Variants in CDC42EP3 observed in about 807,000 individuals in gnomAD.
The protein encoded by CDC42EP3 is CDC42 effector protein 3.
A neutral mutation model predicts 15.5 loss-of-function variants in CDC42EP3; 4 were observed. That is an observed-to-expected ratio of 0.26 (90% CI 0.13 to 0.59). The LOEUF is 0.59. Among genes scored for constraint, CDC42EP3 ranks in the 20% least tolerant of loss-of-function variants. The pLI is 0.89. For missense variants in CDC42EP3, 309 were observed against 311.2 expected, an observed-to-expected ratio of 0.99 and a Z score of 0.05; for synonymous variants, 145 against 130.3, an observed-to-expected ratio of 1.11 and a Z score of -0.77.
upstream of CDC42EP3, chr2:37,672,325 G>A (rs909677189): frequency 7.2e-5 from 11 of 152,440 alleles, no homozygotes; most frequent in African/African-American, 2.4e-4. Context: ...GACACGCGAC[G>A]AACAGCAGAC....
rs1666418351 is a variant in CDC42EP3, at chr2:37,671,493, T to G, written c.-303A>C. ...CGGGCGCACGCAATCCCTGCCGCTGTGCGCAGATCCAGCCGAGTCTGCCGG... is the reference window on the plus strand; with the variant it reads ...CGGGCGCACGCAATCCCTGCCGCTGGGCGCAGATCCAGCCGAGTCTGCCGG... On this transcript the variant is annotated 5_prime_UTR_variant, in exon 1 of 2. Coordinates refer to ENST00000295324, the MANE Select transcript of CDC42EP3 (RefSeq NM_006449.5). The G allele has an allele frequency of 6.6e-6, 1 of 152,410 alleles. No individual in the cohort carries two copies. Among genetic ancestry groups the G allele is most frequent in the Non-Finnish European group, 1.5e-5 (1 of 68,234 alleles). 9.4% of individuals were successfully genotyped at this position (152,410 alleles called of 1,614,324 possible).
In CDC42EP3 at chr2:37,660,127, C is replaced by T. The variant is rs1558341703; in HGVS notation, c.-236+11299G>A. On this transcript the variant is annotated intron_variant, in intron 1 of 1. Coordinates refer to ENST00000295324, the MANE Select transcript of CDC42EP3 (RefSeq NM_006449.5). ...TAAACACAAGGCATTATCTTTTCCC[C>T]AAATGAGACCAGACTATCTACTGAA... Among the ~76,000 whole-genome samples, 6 of 152,320 alleles carry T rather than the reference C, an allele frequency of 3.9e-5. No individual in the cohort carries two copies. In the South Asian group the frequency reaches 8.3e-4, roughly 21 times the overall value.
intron 1 of CDC42EP3, among the ~76,000 whole-genome samples, chr2:37,663,033 C>T (rs1357214263): frequency 2.6e-5 from 4 of 152,158 alleles, no homozygotes; most frequent in African/African-American, 7.2e-5. Flanking sequence ...GGTGTGGTGG[C>T]GGGTGCCTGT....
intron 1 of CDC42EP3, among the ~76,000 whole-genome samples, chr2:37,665,621 T>C (rs1333062965): frequency 1.3e-5 from 2 of 152,216 alleles, no homozygotes; most frequent in Non-Finnish European, 2.9e-5. Context: ...ACTAAACTCA[T>C]GACAACGATC....
At position 37,646,598 on chromosome 2, in the gene CDC42EP3, G is replaced by C; in HGVS notation, c.-11C>G. The C allele has an allele frequency of 6.5e-7, 1 of 1,526,870 alleles. No homozygotes were observed. The highest frequency in any genetic ancestry group is 2.2e-5 in the Admixed American group (1 of 44,664). 94.6% of individuals were successfully genotyped at this position (1,526,870 alleles called of 1,614,324 possible). On this transcript the variant is annotated 5_prime_UTR_variant, in exon 2 of 2. Coordinates refer to ENST00000295324, the MANE Select transcript of CDC42EP3 (RefSeq NM_006449.5). ...GGTCTTGGCTGGCATTTTGGAATTT[G>C]AGAATGTCTATTTTGCAAGCGGGAG...
At chr2:37,661,903 T>G (rs1414409677) in intron 1 of CDC42EP3, among the ~76,000 whole-genome samples, 1 of 152,140 alleles carries the variant, frequency 6.6e-6, no homozygotes, top group Non-Finnish European at 1.5e-5. Flanking sequence ...TAAAAAAAAG[T>G]TCGACAGAGC....
At chr2:37,669,013 A>G (rs1044086609) in intron 1 of CDC42EP3, among the ~76,000 whole-genome samples, 2 of 152,182 alleles carry the variant, frequency 1.3e-5, no homozygotes, top group East Asian at 1.9e-4. Flanking sequence ...CATTCAATCA[A>G]TGAAAAGAAA....
At chr2:37,659,918 T>C (rs2124629497) in intron 1 of CDC42EP3, among the ~76,000 whole-genome samples, 1 of 152,344 alleles carries the variant, frequency 6.6e-6, no homozygotes, top group African/African-American at 2.4e-5. Flanking sequence ...GAAACTGCTA[T>C]CTCACTGCTG....
chr2:37,664,983 G>A (rs1172653866), intron 1 of CDC42EP3, among the ~76,000 whole-genome samples: 1 of 152,080 alleles, frequency 6.6e-6, no homozygotes, highest in African/African-American at 2.4e-5. Flanking sequence ...CCTAGGTGAT[G>A]AAATGATCTG....
intron 1 of CDC42EP3, among the ~76,000 whole-genome samples, chr2:37,668,275 T>C (rs1355746700): frequency 1.3e-5 from 2 of 152,166 alleles, no homozygotes; most frequent in Non-Finnish European, 2.9e-5. Flanking sequence ...AAAGAATAGT[T>C]ATGAATATTA....
At chr2:37,654,873 T>A (rs1472412719) in intron 1 of CDC42EP3, among the ~76,000 whole-genome samples, 2 of 152,256 alleles carry the variant, frequency 1.3e-5, no homozygotes, top group East Asian at 3.9e-4. Context: ...TTTACAAACC[T>A]CTGTAGGAGT....
rs1467613194 is a variant in CDC42EP3, at chr2:37,643,875, G to A, written c.*1948C>T. ...ATGGATAACGAAATACAACTGAGAA[G>A]TTACGGAAAGCACACAATGCCCTAG... On this transcript the variant is annotated 3_prime_UTR_variant, in exon 2 of 2. Coordinates refer to ENST00000295324, the MANE Select transcript of CDC42EP3 (RefSeq NM_006449.5). The A allele has an allele frequency of 6.6e-6, 1 of 151,816 alleles. No homozygotes were observed. The highest frequency in any genetic ancestry group is 2.4e-5 in the African/African-American group (1 of 41,316). The allele number at this position is 151,816 out of a possible 1,614,324, so 9.4% of individuals were successfully genotyped here. A position where few individuals can be genotyped will look rare whatever the true frequency, so the allele number is the denominator to read the frequency against.
chr2:37,667,953 G>A (rs560173475), intron 1 of CDC42EP3, among the ~76,000 whole-genome samples: 44 of 152,284 alleles, frequency 2.9e-4, no homozygotes, highest in African/African-American at 1.0e-3. Flanking sequence ...ATAATAGTCT[G>A]CCTTATCCTC....
intron 1 of CDC42EP3, among the ~76,000 whole-genome samples, chr2:37,667,565 T>G (rs1489892902): frequency 1.3e-5 from 2 of 152,240 alleles, no homozygotes; most frequent in Non-Finnish European, 2.9e-5. Context: ...TCTTCGTTTA[T>G]GGCATAAATT....
rs1253012444 is a variant in CDC42EP3 at position 37,643,542 on chromosome 2, G to GTT, written c.*2279_*2280dup. The GTT allele has an allele frequency of 6.6e-6, 1 of 152,184 alleles. No individual in the cohort carries two copies. The highest frequency in any genetic ancestry group is 1.5e-5 in the Non-Finnish European group (1 of 68,038). 9.4% of individuals were successfully genotyped at this position (152,184 alleles called of 1,614,324 possible). A position where few individuals can be genotyped will look rare whatever the true frequency, so the allele number is the denominator to read the frequency against. On this transcript the variant is annotated 3_prime_UTR_variant, in exon 2 of 2. Coordinates refer to ENST00000295324, the MANE Select transcript of CDC42EP3 (RefSeq NM_006449.5). ...TATCAAACCCAGTACTGGCAGGGCT[G>GTT]TTCTCTCCCCAGTACTTACCAGAGA...
At chr2:37,656,349 C>A (rs1681583932) in intron 1 of CDC42EP3, among the ~76,000 whole-genome samples, 1 of 152,300 alleles carries the variant, frequency 6.6e-6, no homozygotes, top group South Asian at 2.1e-4. Context: ...TTTTGCCTCC[C>A]ACAACACATG....
At chr2:37,651,069 CA>C (rs1213518403) in intron 1 of CDC42EP3, among the ~76,000 whole-genome samples, 2 of 151,958 alleles carry the variant, frequency 1.3e-5, no homozygotes, top group Non-Finnish European at 2.9e-5. Context: ...TCAGATCTAA[CA>C]AAGGATGAAG....
At chr2:37,655,447 C>T (rs1448071765) in intron 1 of CDC42EP3, among the ~76,000 whole-genome samples, 1 of 152,146 alleles carries the variant, frequency 6.6e-6, no homozygotes, top group Non-Finnish European at 1.5e-5. Context: ...ACAGAAGGTC[C>T]ACCTCACATA....
chr2:37,654,727 A>C (rs570933115), intron 1 of CDC42EP3, among the ~76,000 whole-genome samples: 1 of 152,292 alleles, frequency 6.6e-6, no homozygotes, highest in Non-Finnish European at 1.5e-5. Flanking sequence ...CCATAGAAAA[A>C]CGCACACGGA....
Sources: allele counts gnomAD v4.1 joint callset (sites outside exome capture counted in the v4.1 genomes callset), GRCh38; gene constraint gnomAD v4.1.1; transcripts MANE v1.5; gene names NCBI Gene and HGNC (gene_info 2026-07-23, HGNC 2026-07-21).